Variants in GRK5 observed in about 807,000 individuals in gnomAD.
GRK5 encodes g protein-coupled receptor kinase GRK5.
A neutral mutation model predicts 78.4 loss-of-function variants in GRK5; 40 were observed. That is an observed-to-expected ratio of 0.51 (90% confidence interval 0.40 to 0.66). GRK5 has a LOEUF of 0.66. Among genes scored for constraint, GRK5 ranks in the 30% least tolerant of loss-of-function variants. GRK5 has a pLI of 0.00. For synonymous variants in GRK5, 289 were observed against 296.8 expected (o/e 0.97, Z 0.27); for missense variants, 598 against 759.9 (o/e 0.79, Z 2.50).
chr10:119,370,654 T>C (rs866208841), intron 2 of GRK5, among the ~76,000 whole-genome samples: 4 of 152,234 alleles, frequency 2.6e-5, no homozygotes, highest in Admixed American at 2.6e-4. Context: ...AGAGAGCTTT[T>C]TCCTCGGAGC....
intron 4 of GRK5, among the ~76,000 whole-genome samples, chr10:119,406,866 C>T (rs536619617): frequency 2.3e-3 from 345 of 152,340 alleles, no homozygotes; most frequent in Non-Finnish European, 3.8e-3. Context: ...CAAATCAAGC[C>T]ACATGTGTGC....
chr10:119,381,308 T>C (rs1237733819), intron 3 of GRK5, among the ~76,000 whole-genome samples: 2 of 152,232 alleles, frequency 1.3e-5, no homozygotes, highest in South Asian at 2.1e-4. Context: ...CCAAAGCTTT[T>C]GTCTGTTTGT....
chr10:119,376,965 C>T (rs938560754), intron 2 of GRK5, among the ~76,000 whole-genome samples: 1 of 152,158 alleles, frequency 6.6e-6, no homozygotes, highest in African/African-American at 2.4e-5. Flanking sequence ...TCTAGAAGAG[C>T]AAGTGCGCAT....
At chr10:119,220,733 G>T (rs1848643795) in intron 1 of GRK5, among the ~76,000 whole-genome samples, 1 of 151,916 alleles carries the variant, frequency 6.6e-6, no homozygotes, top group Admixed American at 6.6e-5. Context: ...TACTTGGGAG[G>T]CTGAGACAGG....
At chr10:119,382,550 C>T (rs1851730663) in intron 3 of GRK5, among the ~76,000 whole-genome samples, 2 of 152,196 alleles carry the variant, frequency 1.3e-5, no homozygotes, top group African/African-American at 4.8e-5. Context: ...TCATCCATTC[C>T]TCCATCCTTT....
In GRK5 at chr10:119,267,264, G is replaced by T. The variant is rs1273409843; in HGVS notation, c.53-59252G>T. ...GTCTCAAAAAAAAAAAATTCTTTTT[G>T]CAGTGACAGGGTCTGCCTGTGTTGC... On this transcript the variant is annotated intron_variant, in intron 1 of 15. Coordinates refer to ENST00000392870, the MANE Select transcript of GRK5 (RefSeq NM_005308.3). The surrounding 1 kb of genome is among the most constrained non-coding windows in gnomAD (Gnocchi z 4.1). Among the ~76,000 whole-genome samples the T allele has an allele frequency of 6.6e-6, 1 of 151,746 alleles. No homozygotes were observed. Among genetic ancestry groups the T allele is most frequent in the Non-Finnish European group, 1.5e-5 (1 of 67,936 alleles).
intron 1 of GRK5, among the ~76,000 whole-genome samples, chr10:119,322,960 T>C (rs1251153807): frequency 6.6e-6 from 1 of 152,236 alleles, no homozygotes; most frequent in Non-Finnish European, 1.5e-5. Flanking sequence ...TACAACAGAA[T>C]ATTATTCAGC....
intron 4 of GRK5, among the ~76,000 whole-genome samples, chr10:119,403,515 A>G (rs1006966147): frequency 6.6e-6 from 1 of 152,206 alleles, no homozygotes; most frequent in Admixed American, 6.5e-5. Flanking sequence ...ACATTGTAAC[A>G]TGTATCAGCA....
intron 2 of GRK5, among the ~76,000 whole-genome samples, chr10:119,374,654 T>C (rs776105826): frequency 2.0e-5 from 3 of 152,338 alleles, no homozygotes; most frequent in Non-Finnish European, 4.4e-5. Flanking sequence ...TTACATTCAT[T>C]ACCAAGGAAG....
At chr10:119,216,918 C>A (rs1848584829) in intron 1 of GRK5, among the ~76,000 whole-genome samples, 1 of 151,900 alleles carries the variant, frequency 6.6e-6, no homozygotes, top group Non-Finnish European at 1.5e-5. Flanking sequence ...AACAGCGAAA[C>A]TCCGTCTAAA....
At chr10:119,439,650 C>G in intron 9 of GRK5, 81 bp from the exon 10 acceptor site, 2 of 1,386,400 alleles carry the variant, frequency 1.4e-6, no homozygotes, top group African/African-American at 2.8e-5. Flanking sequence ...GCCTGATTAG[C>G]CCGAGGGGTC....
intron 2 of GRK5, among the ~76,000 whole-genome samples, chr10:119,356,633 C>A (rs890988054): frequency 9.9e-5 from 15 of 152,134 alleles, no homozygotes; most frequent in Non-Finnish European, 4.4e-5. Flanking sequence ...AGGCTTTGGG[C>A]TCTTCCAGTT....
chr10:119,417,782 G>A (rs1302555875), intron 4 of GRK5, among the ~76,000 whole-genome samples: 1 of 152,166 alleles, frequency 6.6e-6, no homozygotes, highest in East Asian at 1.9e-4. Flanking sequence ...AGGAGTGAAG[G>A]TGCGAAGTCA....
chr10:119,411,727 T>C (rs1852340025), intron 4 of GRK5, among the ~76,000 whole-genome samples: 1 of 151,920 alleles, frequency 6.6e-6, no homozygotes, highest in South Asian at 2.1e-4. Flanking sequence ...TCTCCCAAGA[T>C]AGAGCATTCT....
intron 2 of GRK5, among the ~76,000 whole-genome samples, chr10:119,375,072 CCCCTTCACGCCTCACCTCCCATCCCTG>C (rs1443629814): frequency 6.6e-6 from 1 of 152,200 alleles, no homozygotes; most frequent in Non-Finnish European, 1.5e-5. Context: ...CTGGTTCTCG[CCCCTTCACGCCTCACCTCCCATCCCTG>C]AGTGACCTAC....
chr10:119,358,222 C>G (rs900642384), intron 2 of GRK5, among the ~76,000 whole-genome samples: 1 of 152,138 alleles, frequency 6.6e-6, no homozygotes, highest in Non-Finnish European at 1.5e-5. Flanking sequence ...GGGGTGTCCA[C>G]GCAGCATGCA....
chr10:119,400,914 G>T (rs1203364622), intron 4 of GRK5, among the ~76,000 whole-genome samples: 1 of 152,180 alleles, frequency 6.6e-6, no homozygotes, highest in Non-Finnish European at 1.5e-5. Context: ...GTGTATGGGG[G>T]TGTCCCCAGG....
intron 2 of GRK5, among the ~76,000 whole-genome samples, chr10:119,371,204 C>T (rs564870513): frequency 2.1e-4 from 32 of 152,332 alleles, no homozygotes; most frequent in Admixed American, 1.3e-4. Flanking sequence ...ACCCGGGCTG[C>T]AGCTTCTCCC....
rs1278866317 is a variant in GRK5 at position 119,271,190 on chromosome 10, G to A, written c.53-55326G>A. ...GGGAGTGTTCACCGGAAACCTGCCC[G>A]GGCCACACGTGTACAGCCACATCCT... On this transcript the variant is annotated intron_variant, in intron 1 of 15. Transcript: ENST00000392870. This position sits in a 1 kb window ranked among gnomAD's most constrained non-coding sequence, Gnocchi z 4.1. 6.6e-6 allele frequency among the ~76,000 whole-genome samples: 1 copy of A among 152,018 alleles called. No individual in the cohort carries two copies. The highest frequency in any genetic ancestry group is 1.5e-5 in the Non-Finnish European group (1 of 67,994).
Sources: allele counts gnomAD v4.1 joint callset (sites outside exome capture counted in the v4.1 genomes callset), GRCh38; gene constraint gnomAD v4.1.1; non-coding constraint Gnocchi (gnomAD v3.1); transcripts MANE v1.5; gene names NCBI Gene and HGNC (gene_info 2026-07-23, HGNC 2026-07-21).